ZBTB16: variants seen among roughly 807,000 people sequenced by gnomAD.
The protein encoded by ZBTB16 is zinc finger and BTB domain containing 16.
In ZBTB16, 8 loss-of-function variants were observed where a neutral mutation model predicts 56.8. That is an observed-to-expected ratio of 0.14 (90% CI 0.08 to 0.25). The LOEUF (loss-of-function observed/expected upper bound fraction) is 0.25, where lower values mean the gene tolerates loss of function less well. ZBTB16 is among the 10% of genes least tolerant of loss of function. The pLI is 1.00. For synonymous variants in ZBTB16, 363 were observed against 368.5 expected (o/e 0.98, Z 0.17); for missense variants, 625 against 903.0 (o/e 0.69, Z 3.95).
intron 4 of ZBTB16, among the ~76,000 whole-genome samples, chr11:114,215,495 G>A (rs1944077708): frequency 6.6e-6 from 1 of 152,224 alleles, no homozygotes; most frequent in Non-Finnish European, 1.5e-5. Flanking sequence ...TCTCTCTGGT[G>A]CAGCATATTG....
intron 2 of ZBTB16, among the ~76,000 whole-genome samples, chr11:114,073,969 C>T (rs939750238): frequency 6.6e-6 from 1 of 152,198 alleles, no homozygotes; most frequent in African/African-American, 2.4e-5. Flanking sequence ...GAAAGACTGA[C>T]GTCTGATGGA....
At chr11:114,085,248 A>G (rs55751855) in intron 2 of ZBTB16, among the ~76,000 whole-genome samples, 41,406 of 152,190 alleles carry the variant, frequency 0.27, 6,163 homozygotes, top group African/African-American at 0.36. Flanking sequence ...ATGCTCTGGT[A>G]TCTTCTCTTC....
chr11:114,233,112 C>G (rs1413873937), intron 4 of ZBTB16, among the ~76,000 whole-genome samples: 449 of 40,730 alleles, frequency 0.011, 11 homozygotes, highest in African/African-American at 0.021. Context: ...CACACACACA[C>G]ACACACACAC....
chr11:114,238,101 G>C (rs529887425), intron 4 of ZBTB16, among the ~76,000 whole-genome samples: 2 of 152,058 alleles, frequency 1.3e-5, no homozygotes, highest in Non-Finnish European at 2.9e-5. Context: ...GATTTTTTGC[G>C]TGCCACTCCT....
At chr11:114,098,469 ATTGCT>A (rs1016585430) in intron 2 of ZBTB16, among the ~76,000 whole-genome samples, 1 of 151,714 alleles carries the variant, frequency 6.6e-6, no homozygotes, top group Non-Finnish European at 1.5e-5. Flanking sequence ...CTATACATTG[ATTGCT>A]TTTAATTAGT....
At chr11:114,083,437 C>T (rs1426577668) in intron 2 of ZBTB16, among the ~76,000 whole-genome samples, 1 of 152,162 alleles carries the variant, frequency 6.6e-6, no homozygotes, top group Non-Finnish European at 1.5e-5. Flanking sequence ...GAGCCATGCC[C>T]ACTTGTCTCA....
intron 2 of ZBTB16, among the ~76,000 whole-genome samples, chr11:114,113,955 G>A (rs1941097031): frequency 6.6e-6 from 1 of 152,174 alleles, no homozygotes; most frequent in Non-Finnish European, 1.5e-5. Context: ...TTAAATCCAT[G>A]GTAAGGCGAA....
At chr11:114,164,258 CCTT>C (rs1298197172) in intron 3 of ZBTB16, among the ~76,000 whole-genome samples, 3 of 152,100 alleles carry the variant, frequency 2.0e-5, no homozygotes, top group African/African-American at 7.2e-5. Flanking sequence ...TATGTAATAA[CCTT>C]CTTCCTTCTC....
chr11:114,091,630 C>G (rs1352569366), intron 2 of ZBTB16, among the ~76,000 whole-genome samples: 1 of 149,596 alleles, frequency 6.7e-6, no homozygotes, highest in Non-Finnish European at 1.5e-5. Flanking sequence ...CCCTTCCTCC[C>G]TTCCTTCCTT....
rs1475802055 is a variant in ZBTB16 at position 114,148,467 on chromosome 11, CTCTCTT to C, written c.1269-7866_1269-7861del. ...TCTCTCTGTCTGTCTGTCTCTCTCT[CTCTCTT>C]TCTTTCTTTCTTTCTTTCTTTCTTC... On this transcript the variant is annotated intron_variant, in intron 2 of 6. Coordinates refer to ENST00000335953, the MANE Select transcript of ZBTB16 (RefSeq NM_006006.6). 2.5e-5 allele frequency among the ~76,000 whole-genome samples: 3 copies of C among 118,542 alleles called. 1 individual carries two copies. The highest frequency in any genetic ancestry group is 3.5e-5 in the African/African-American group (1 of 28,486). 77.8% of individuals were successfully genotyped at this position (118,542 alleles called of 152,430 possible). A position where few individuals can be genotyped will look rare whatever the true frequency, so the allele number is the denominator to read the frequency against.
intron 2 of ZBTB16, among the ~76,000 whole-genome samples, chr11:114,073,796 T>G (rs989715092): frequency 6.6e-6 from 1 of 152,062 alleles, no homozygotes. Flanking sequence ...TTTGAAGTGG[T>G]TTTTAGAGTT....
At chr11:114,061,608 T>C (rs1300438739) in intron 1 of ZBTB16, 1 of 152,316 alleles carries the variant, frequency 6.6e-6, no homozygotes, top group African/African-American at 2.4e-5. Context: ...TTGCTGTTCC[T>C]TGCTCTCAGT....
chr11:114,061,175 C>T (rs1315109597), intron 1 of ZBTB16, among the ~76,000 whole-genome samples: 1 of 152,018 alleles, frequency 6.6e-6, no homozygotes, highest in Non-Finnish European at 1.5e-5. Context: ...GCGGTCGATC[C>T]CCGGAGCTCG....
intron 3 of ZBTB16, among the ~76,000 whole-genome samples, chr11:114,179,666 C>T (rs887298858): frequency 4.6e-5 from 7 of 151,768 alleles, no homozygotes; most frequent in African/African-American, 1.7e-4. Context: ...TTTTTTTCTC[C>T]CTTCTTATTA....
intron 4 of ZBTB16, among the ~76,000 whole-genome samples, chr11:114,223,799 G>T (rs189061494): frequency 1.3e-5 from 2 of 152,228 alleles, no homozygotes; most frequent in Admixed American, 1.3e-4. Context: ...TCCTGGAGGT[G>T]GTGTCATCTA....
intron 3 of ZBTB16, among the ~76,000 whole-genome samples, chr11:114,182,208 C>T (rs1404996541): frequency 6.6e-6 from 1 of 152,102 alleles, no homozygotes; most frequent in Non-Finnish European, 1.5e-5. Context: ...AGCCACCATG[C>T]CTGGCCAATT....
intron 4 of ZBTB16, among the ~76,000 whole-genome samples, chr11:114,198,367 G>A (rs1254140270): frequency 4.0e-5 from 6 of 149,818 alleles, no homozygotes; most frequent in African/African-American, 7.4e-5. Context: ...TACTATAAAG[G>A]CATGTTTGAT....
chr11:114,213,100 G>C (rs1944028296), intron 4 of ZBTB16, among the ~76,000 whole-genome samples: 1 of 151,934 alleles, frequency 6.6e-6, no homozygotes, highest in South Asian at 2.1e-4. Flanking sequence ...GCTGTGACTG[G>C]CCAGGACACC....
chr11:114,216,025 C>T (rs1013780589), intron 4 of ZBTB16, among the ~76,000 whole-genome samples: 2 of 152,164 alleles, frequency 1.3e-5, no homozygotes, highest in Non-Finnish European at 2.9e-5. Flanking sequence ...TGAAGGAAGG[C>T]CAAGATAAGG....
Sources: allele counts gnomAD v4.1 joint callset (sites outside exome capture counted in the v4.1 genomes callset), GRCh38; gene constraint gnomAD v4.1.1; transcripts MANE v1.5; gene names NCBI Gene and HGNC (gene_info 2026-07-23, HGNC 2026-07-21).